PRORP: variants seen among roughly 807,000 people sequenced by gnomAD.
PRORP encodes mitochondrial ribonuclease P catalytic subunit.
A neutral mutation model predicts 59.4 loss-of-function variants in PRORP; 51 were observed. The ratio of observed to expected loss-of-function variants is 0.86; its 90% CI spans 0.69 to 1.08. PRORP has a LOEUF of 1.08. PRORP is among the 50% of genes least tolerant of loss of function. The pLI is 0.00. For synonymous variants in PRORP, 231 were observed against 245.6 expected, an observed-to-expected ratio of 0.94 and a Z score of 0.55; for missense variants, 646 against 690.3, an observed-to-expected ratio of 0.94 and a Z score of 0.72.
At chr14:35,180,807 C>T (rs771904261) in intron 5 of PRORP, 30 bp downstream of exon 5, 5 of 1,359,768 alleles carry the variant, frequency 3.7e-6, no homozygotes, top group Admixed American at 3.4e-5. Context: ...TGTTATTCCA[C>T]ATCTCTAGAA....
Position 35,271,406 on chromosome 14 carries a change from C to T in PRORP, c.1620+810C>T, listed in dbSNP as rs149392994. Among the ~76,000 whole-genome samples, 1,303 of 152,118 alleles carry T rather than the reference C, an allele frequency of 8.6e-3. 27 individuals are homozygous for T. Among genetic ancestry groups the T allele is most frequent in the African/African-American group, 0.029 (1,199 of 41,514 alleles). ...ACTCCTGAGCTCATAATCCACCCACCTCAGCCTCCCAAAGTGCTGGGATTA... is the reference window on the plus strand; with the variant it reads ...ACTCCTGAGCTCATAATCCACCCACTTCAGCCTCCCAAAGTGCTGGGATTA... On this transcript the variant is annotated intron_variant, in intron 7 of 7. Transcript: ENST00000534898.
intron 5 of PRORP, among the ~76,000 whole-genome samples, chr14:35,205,727 GT>G (rs1179094230): frequency 6.6e-6 from 1 of 152,338 alleles, no homozygotes; most frequent in East Asian, 1.9e-4. Context: ...GAAGTAGAAA[GT>G]TTGCACTATC....
chr14:35,124,173 A>C lies in PRORP; in HGVS notation c.928A>C (p.Asn310His). ...KLLDILSYLRNNQLYPGESFA... is the reference protein window; with the variant it reads ...KLLDILSYLRHNQLYPGESFA... ...ACTAGATATTCTTTCATATCTAAGA[A>C]ATAATCAGCTGTATCCAGGGGAGTC... Residue 310 changes from asparagine to histidine, a missense_variant, in exon 2 of 8, where the codon AAT becomes CAT. Coordinates refer to ENST00000534898, the MANE Select transcript of PRORP (RefSeq NM_014672.4). 6.2e-7 allele frequency: 1 copy of C among 1,603,144 alleles called. No individual in the cohort carries two copies. Among genetic ancestry groups the C allele is most frequent in the Non-Finnish European group, 8.5e-7 (1 of 1,175,184 alleles).
At chr14:35,173,621 G>C (rs954736456) in intron 4 of PRORP, among the ~76,000 whole-genome samples, 3 of 152,028 alleles carry the variant, frequency 2.0e-5, no homozygotes, top group Non-Finnish European at 4.4e-5. Flanking sequence ...AAGTTCTGCA[G>C]CTTTCTGCTT....
chr14:35,182,226 A>G (rs1042656730), intron 5 of PRORP, among the ~76,000 whole-genome samples: 3 of 152,160 alleles, frequency 2.0e-5, no homozygotes, highest in Admixed American at 2.0e-4. Context: ...AGATCATGTC[A>G]CTGCACTCCA....
chr14:35,212,268 TC>T (rs1171378177), intron 5 of PRORP, among the ~76,000 whole-genome samples: 2 of 152,158 alleles, frequency 1.3e-5, no homozygotes, highest in Non-Finnish European at 2.9e-5. Context: ...CCTTCCAAAC[TC>T]CTGTTACTAT....
At chr14:35,151,682 C>T (rs2047754153) in intron 4 of PRORP, among the ~76,000 whole-genome samples, 1 of 142,622 alleles carries the variant, frequency 7.0e-6, no homozygotes, top group Admixed American at 6.9e-5. Flanking sequence ...ACACACAGAG[C>T]TTTTACTATA....
chr14:35,159,236 C>T (rs2047999598), intron 4 of PRORP: 1 of 163,466 alleles, frequency 6.1e-6, no homozygotes, highest in Non-Finnish European at 1.3e-5. Flanking sequence ...CATTGCTTGC[C>T]ACTCTCCTCT....
At chr14:35,151,223 TC>T (rs1307727599) in intron 4 of PRORP, among the ~76,000 whole-genome samples, 2 of 152,204 alleles carry the variant, frequency 1.3e-5, no homozygotes, top group African/African-American at 4.8e-5. Flanking sequence ...ATTTAGTTTT[TC>T]TATAGCTATT....
intron 4 of PRORP, among the ~76,000 whole-genome samples, chr14:35,156,938 C>A (rs1224896538): frequency 6.8e-6 from 1 of 146,944 alleles, no homozygotes; most frequent in African/African-American, 2.5e-5. Context: ...AATGGTAGTT[C>A]ATTTTTTTCT....
At position 35,275,283 on chromosome 14, in the gene PRORP, T is replaced by C. The variant is rs897329690; in HGVS notation, c.*1717T>C. The C allele has an allele frequency of 2.0e-5, 3 of 152,152 alleles. No homozygotes were observed. The highest frequency in any genetic ancestry group is 7.2e-5 in the African/African-American group (3 of 41,444). 9.4% of individuals were successfully genotyped at this position (152,152 alleles called of 1,614,324 possible). The stretch of plus-strand genomic sequence containing the variant: ...TACATGAAATAAACAATGACCTCTT[T>C]TATATCAAACCATATACATGTGTAT... On this transcript the variant is annotated 3_prime_UTR_variant, in exon 8 of 8. Coordinates refer to ENST00000534898, the MANE Select transcript of PRORP (RefSeq NM_014672.4).
chr14:35,211,710 C>G (rs1469738822), intron 5 of PRORP, among the ~76,000 whole-genome samples: 2 of 152,092 alleles, frequency 1.3e-5, no homozygotes, highest in East Asian at 3.8e-4. Context: ...ATCATCTGAG[C>G]CTTCAGGGCA....
chr14:35,141,654 A>T lies in PRORP; in HGVS notation c.1167+14043A>T, dbSNP rs560298837. On this transcript the variant is annotated intron_variant, in intron 4 of 7. Transcript: ENST00000534898. ...TAATTCTTTAATATTTTCATTAGAG[A>T]AAATTTCAAACATAATCAAAAAGAG... 1.4e-5 allele frequency among the ~76,000 whole-genome samples: 2 copies of T among 145,774 alleles called. 1 individual carries two copies. Among genetic ancestry groups the T allele is most frequent in the South Asian group, 4.5e-4 (2 of 4,438 alleles).
At chr14:35,193,626 C>A (rs1212313585) in intron 5 of PRORP, among the ~76,000 whole-genome samples, 2 of 148,856 alleles carry the variant, frequency 1.3e-5, no homozygotes, top group Non-Finnish European at 3.0e-5. Context: ...GTATATAATC[C>A]CGGGTGTATT....
At chr14:35,270,697 C>G (rs10148868) in intron 7 of PRORP, 101 bp downstream of exon 7, 37,012 of 1,081,110 alleles carry the variant, frequency 0.034, 904 homozygotes, top group African/African-American at 0.099. Context: ...GTTGCAAATG[C>G]TTTATTTTTC....
intron 7 of PRORP, among the ~76,000 whole-genome samples, chr14:35,272,311 A>G (rs902931215): frequency 2.0e-5 from 3 of 152,154 alleles, no homozygotes; most frequent in South Asian, 4.1e-4. Context: ...TTATTCGTCA[A>G]TTTAAAAATA....
chr14:35,162,967 G>A (rs1233127802), intron 4 of PRORP, among the ~76,000 whole-genome samples: 1 of 151,910 alleles, frequency 6.6e-6, no homozygotes, highest in Non-Finnish European at 1.5e-5. Context: ...GTCTCTTTTT[G>A]GACTTTCTGT....
chr14:35,172,453 C>CTTCTTTCTTTCTTTCTTTCTTTCTTTCT (rs1555324973), intron 4 of PRORP, among the ~76,000 whole-genome samples: 7 of 46,756 alleles, frequency 1.5e-4, no homozygotes, highest in African/African-American at 4.2e-4. Flanking sequence ...TCCTTCCTTC[C>CTTCTTTCTTTCTTTCTTTCTTTCTTTCT]TTCTTTCTTT....
chr14:35,270,546 C>T lies in PRORP; in HGVS notation c.1570C>T (p.His524Tyr), dbSNP rs760132229. The T allele has an allele frequency of 6.2e-7, 1 of 1,614,116 alleles. No homozygotes were observed. Among genetic ancestry groups the T allele is most frequent in the Non-Finnish European group, 8.5e-7 (1 of 1,180,026 alleles). Residue 524 changes from histidine to tyrosine, a missense_variant, in exon 7 of 8, where the codon CAT (histidine) becomes TAT (tyrosine). By Grantham distance (83) the His-to-Tyr change is moderately conservative. Coordinates refer to ENST00000534898, the MANE Select transcript of PRORP (RefSeq NM_014672.4). ...QRLFFKWQQGHQLAIVNRFPG... is the reference protein window; with the variant it reads ...QRLFFKWQQGYQLAIVNRFPG... The stretch of plus-strand genomic sequence containing the variant: ...CCTGTTTTTTAAGTGGCAGCAGGGA[C>T]ATCAGCTGGCAATTGTAAATAGGTT...
Sources: allele counts gnomAD v4.1 joint callset (sites outside exome capture counted in the v4.1 genomes callset), GRCh38; gene constraint gnomAD v4.1.1; transcripts MANE v1.5; gene names NCBI Gene and HGNC (gene_info 2026-07-23, HGNC 2026-07-21).